RUFY2: variants seen among roughly 807,000 people sequenced by gnomAD.
The protein encoded by RUFY2 is RUN and FYVE domain-containing protein 2.
A neutral mutation model predicts 94.4 loss-of-function variants in RUFY2; 49 were observed. The ratio of observed to expected loss-of-function variants is 0.52; its 90% confidence interval spans 0.41 to 0.66. RUFY2 has a LOEUF of 0.66. RUFY2 is among the 30% of genes least tolerant of loss of function. RUFY2 has a pLI of 0.00. For synonymous variants in RUFY2, 255 were observed against 235.7 expected, an observed-to-expected ratio of 1.08 and a Z score of -0.75; for missense variants, 541 against 692.8, an observed-to-expected ratio of 0.78 and a Z score of 2.46.
chr10:68,390,114 G>A (rs1291195865), intron 7 of RUFY2, among the ~76,000 whole-genome samples: 5 of 152,042 alleles, frequency 3.3e-5, no homozygotes, highest in Non-Finnish European at 7.4e-5. Flanking sequence ...AGAAACACAA[G>A]CTTGCATTTA....
intron 1 of RUFY2, 61 bp from the exon 2 acceptor site, chr10:68,404,905 A>G (rs1173871092): frequency 1.8e-5 from 24 of 1,347,542 alleles, no homozygotes; most frequent in Non-Finnish European, 2.2e-5. Context: ...AAAATATACA[A>G]ACCATTCCCT....
At chr10:68,404,089 T>C (rs1259927803) in intron 2 of RUFY2, among the ~76,000 whole-genome samples, 2 of 152,222 alleles carry the variant, frequency 1.3e-5, no homozygotes, top group Non-Finnish European at 2.9e-5. Context: ...ACAGTTATTA[T>C]AAGTAAAAGC....
At chr10:68,349,619 A>G (rs2046523240) in intron 16 of RUFY2, among the ~76,000 whole-genome samples, 1 of 151,754 alleles carries the variant, frequency 6.6e-6, no homozygotes, top group Admixed American at 6.6e-5. Context: ...GCTCACTGCA[A>G]GCTCCGCCTC....
intron 13 of RUFY2, among the ~76,000 whole-genome samples, chr10:68,368,661 A>AAAC (rs1183873191): frequency 6.6e-6 from 1 of 152,084 alleles, no homozygotes; most frequent in Non-Finnish European, 1.5e-5. Context: ...CTCCATCTCA[A>AAAC]AACAACAACA....
At chr10:68,401,899 G>A (rs954641631) in intron 2 of RUFY2, among the ~76,000 whole-genome samples, 162 bp from the exon 3 acceptor site, 1 of 152,144 alleles carries the variant, frequency 6.6e-6, no homozygotes, top group South Asian at 2.1e-4. Context: ...GCCTGTGCCA[G>A]TAGGATCCTG....
At chr10:68,342,775 G>C (rs1379948619), downstream of RUFY2, 4 of 152,610 alleles carry the variant, frequency 2.6e-5, no homozygotes, top group Non-Finnish European at 4.4e-5. Context: ...GTTATCGCAA[G>C]ATGTCTTAGA....
intron 13 of RUFY2, among the ~76,000 whole-genome samples, chr10:68,371,380 C>T (rs2048266541): frequency 6.6e-6 from 1 of 151,862 alleles, no homozygotes; most frequent in African/African-American, 2.4e-5. Flanking sequence ...CAAGATCGCA[C>T]CACTGCACTC....
chr10:68,383,979 C>G, intron 9 of RUFY2, 65 bp from the exon 10 acceptor site: 3 of 1,577,970 alleles, frequency 1.9e-6, no homozygotes, highest in South Asian at 1.1e-5. Flanking sequence ...GAAATACCTA[C>G]TTCATCCAAA....
At chr10:68,342,921 A>G (rs1027066928), downstream of RUFY2, 1 of 152,186 alleles carries the variant, frequency 6.6e-6, no homozygotes, top group Non-Finnish European at 1.5e-5. Context: ...TGATGACTTT[A>G]AAAAAATGTA....
chr10:68,399,153 C>T (rs2050626362), intron 3 of RUFY2, among the ~76,000 whole-genome samples: 1 of 152,002 alleles, frequency 6.6e-6, no homozygotes, highest in South Asian at 2.1e-4. Context: ...AAGCAATTAT[C>T]CTGCCTCAGC....
intron 8 of RUFY2, 57 bp from the exon 9 acceptor site, chr10:68,384,209 G>T: frequency 6.5e-7 from 1 of 1,533,662 alleles, no homozygotes; most frequent in Non-Finnish European, 8.7e-7. Flanking sequence ...TACTTGCTTT[G>T]CAGGTTATGT....
intron 3 of RUFY2, among the ~76,000 whole-genome samples, chr10:68,401,219 G>C (rs1429234713): frequency 6.6e-6 from 1 of 152,150 alleles, no homozygotes; most frequent in Non-Finnish European, 1.5e-5. Context: ...TATACAACTG[G>C]CTTATCTGAG....
At chr10:68,391,067 T>G (rs1213387317) in intron 7 of RUFY2, among the ~76,000 whole-genome samples, 1 of 151,888 alleles carries the variant, frequency 6.6e-6, no homozygotes, top group Non-Finnish European at 1.5e-5. Flanking sequence ...CCCGAGTAGC[T>G]GGAACTACAG....
intron 10 of RUFY2, among the ~76,000 whole-genome samples, chr10:68,382,217 T>A (rs1395971550): frequency 6.9e-6 from 1 of 144,792 alleles, no homozygotes; most frequent in Non-Finnish European, 1.5e-5. Context: ...ACTGGCTAAT[T>A]TTTTTTTTTT....
At chr10:68,363,192 A>G (rs2047572052) in intron 15 of RUFY2, among the ~76,000 whole-genome samples, 1 of 152,092 alleles carries the variant, frequency 6.6e-6, no homozygotes, top group African/African-American at 2.4e-5. Flanking sequence ...AATAGTTTGT[A>G]TCTTTCTCCT....
chr10:68,401,239 A>G (rs2050824217), intron 3 of RUFY2, among the ~76,000 whole-genome samples: 1 of 152,210 alleles, frequency 6.6e-6, no homozygotes, highest in African/African-American at 2.4e-5. Flanking sequence ...GAACTGGAAT[A>G]TCCTGAGCCT....
chr10:68,380,105 G>C (rs927556451), intron 11 of RUFY2, among the ~76,000 whole-genome samples: 1 of 148,220 alleles, frequency 6.7e-6, no homozygotes, highest in African/African-American at 2.5e-5. Flanking sequence ...ACCGCACACG[G>C]CCCTTTTTTT....
chr10:68,347,448 T>G (rs2046366469), intron 16 of RUFY2, among the ~76,000 whole-genome samples: 2 of 151,916 alleles, frequency 1.3e-5, no homozygotes, highest in Admixed American at 1.3e-4. Context: ...CATGCCCGGC[T>G]AATTTTTGTA....
chr10:68,346,899 G>T (rs1024387043), intron 16 of RUFY2, among the ~76,000 whole-genome samples: 3 of 152,210 alleles, frequency 2.0e-5, no homozygotes, highest in Non-Finnish European at 4.4e-5. Flanking sequence ...CTCTTTAGGA[G>T]GCCGAGGCAG....
Sources: allele counts gnomAD v4.1 joint callset (sites outside exome capture counted in the v4.1 genomes callset), GRCh38; gene constraint gnomAD v4.1.1; transcripts MANE v1.5; gene names NCBI Gene and HGNC (gene_info 2026-07-23, HGNC 2026-07-21).